MAP3K1: variants seen among roughly 807,000 people sequenced by gnomAD.
The protein encoded by MAP3K1 is MAP/ERK kinase kinase 1.
MAP3K1 carries 36 observed loss-of-function variants against 144.2 expected under a neutral mutation model. The ratio of observed to expected loss-of-function variants is 0.25; its 90% CI spans 0.19 to 0.33. The LOEUF (loss-of-function observed/expected upper bound fraction) is 0.33. Ranked by LOEUF, MAP3K1 falls within the 10% of genes least tolerant of loss-of-function variation. MAP3K1 has a pLI of 1.00. For missense variants in MAP3K1, 1,650 were observed against 1,881.9 expected (o/e 0.88, Z 2.28); for synonymous variants, 718 against 688.7 (o/e 1.04, Z -0.67).
chr5:56,845,286 C>T (rs1189269728), intron 1 of MAP3K1, among the ~76,000 whole-genome samples: 1 of 152,216 alleles, frequency 6.6e-6, no homozygotes, highest in Non-Finnish European at 1.5e-5. Context: ...ACTGCACTGC[C>T]ACATTTCCCC....
chr5:56,859,562 T>C (rs1747440467), intron 2 of MAP3K1, 153 bp from the exon 3 acceptor site: 1 of 626,940 alleles, frequency 1.6e-6, no homozygotes, highest in Non-Finnish European at 2.8e-6. Flanking sequence ...ATTAATAGCT[T>C]AAAGTAATAA....
chr5:56,887,559 T>C, intron 18 of MAP3K1, 39 bp downstream of exon 18: 1 of 1,610,784 alleles, frequency 6.2e-7, no homozygotes, highest in East Asian at 2.2e-5. Context: ...GAAAATATTT[T>C]GGAATTCTGT....
intron 1 of MAP3K1, among the ~76,000 whole-genome samples, chr5:56,842,937 C>G (rs1746860003): frequency 6.6e-6 from 1 of 152,116 alleles, no homozygotes; most frequent in African/African-American, 2.4e-5. Flanking sequence ...AACTCATGCC[C>G]CTGATCGCTG....
chr5:56,862,451 G>A (rs1352666366), intron 3 of MAP3K1, among the ~76,000 whole-genome samples: 5 of 152,214 alleles, frequency 3.3e-5, no homozygotes, highest in African/African-American at 9.6e-5. Context: ...TTTACAACAA[G>A]TATAAACAGA....
chr5:56,881,433 T>C (rs1233493681), intron 13 of MAP3K1, 137 bp from the exon 14 acceptor site: 1 of 972,298 alleles, frequency 1.0e-6, no homozygotes, highest in Non-Finnish European at 1.6e-6. Flanking sequence ...CTGGGCTCTT[T>C]AATTAAAAAT....
rs1349879625 is a variant in MAP3K1 at position 56,896,128 on chromosome 5, T to C, written c.*2448T>C. On this transcript the variant is annotated 3_prime_UTR_variant, in exon 20 of 20. Transcript: ENST00000399503. ...ACCTATTTTGGTGTTTTTGTCTTTA[T>C]AGTAAATAAAAGTTTTTGAACAAAT... The C allele has an allele frequency of 8.9e-6, 2 of 224,104 alleles. No homozygotes were observed. The highest frequency in any genetic ancestry group is 2.2e-5 in the African/African-American group (1 of 44,872). The allele number at this position is 224,104 out of a possible 1,614,324, so 13.9% of individuals were successfully genotyped here.
At chr5:56,849,550 C>CATTTTT (rs1747104779) in intron 1 of MAP3K1, among the ~76,000 whole-genome samples, 1 of 152,064 alleles carries the variant, frequency 6.6e-6, no homozygotes, top group African/African-American at 2.4e-5. Flanking sequence ...GAATGTGAGC[C>CATTTTT]ATTTTTATAC....
At chr5:56,881,426 G>A (rs1479805185) in intron 13 of MAP3K1, 144 bp from the exon 14 acceptor site, 1 of 968,514 alleles carries the variant, frequency 1.0e-6, no homozygotes, top group Non-Finnish European at 1.6e-6. Flanking sequence ...CCAAAGTCTG[G>A]GCTCTTTAAT....
intron 1 of MAP3K1, among the ~76,000 whole-genome samples, chr5:56,842,531 G>A (rs1374595202): frequency 6.6e-6 from 1 of 152,206 alleles, no homozygotes; most frequent in African/African-American, 2.4e-5. Context: ...TTTAATAGTA[G>A]TAGTAGTGAT....
At chr5:56,872,365 A>G (rs1747882080) in intron 7 of MAP3K1, among the ~76,000 whole-genome samples, 1 of 152,232 alleles carries the variant, frequency 6.6e-6, no homozygotes, top group African/African-American at 2.4e-5. Context: ...AAAGGCTAGC[A>G]TCAAAGTAAG....
chr5:56,859,820 G>A lies in MAP3K1; in HGVS notation c.739G>A (p.Gly247Ser). ...AAGTGCGGCTTCACCAGCTTCCAAA[G>A]GCCGACGCAGTCCTTCTCCTGGCAA... ...QASAASPASK[G>S]RRSPSPGNSP... The change falls in exon 3 of 20, where the codon GGC (glycine) becomes AGC (serine). Residue 247 changes from glycine to serine, a missense_variant. Coordinates refer to ENST00000399503, the MANE Select transcript of MAP3K1 (RefSeq NM_005921.2). The A allele has an allele frequency of 6.2e-7, 1 of 1,614,012 alleles. No individual in the cohort carries two copies. Among genetic ancestry groups the A allele is most frequent in the South Asian group, 1.1e-5 (1 of 91,050 alleles).
intron 1 of MAP3K1, among the ~76,000 whole-genome samples, chr5:56,850,674 A>G (rs1236894824): frequency 6.6e-6 from 1 of 152,086 alleles, no homozygotes; most frequent in Non-Finnish European, 1.5e-5. Flanking sequence ...TGGCCCTGCC[A>G]CTCACTTACA....
intron 1 of MAP3K1, among the ~76,000 whole-genome samples, chr5:56,853,608 A>G (rs1029936106): frequency 6.6e-6 from 1 of 152,210 alleles, no homozygotes; most frequent in African/African-American, 2.4e-5. Context: ...TGCATTAACC[A>G]TGTTAAAGGA....
At chr5:56,884,082 G>C in intron 15 of MAP3K1, among the ~76,000 whole-genome samples, 1 of 152,180 alleles carries the variant, frequency 6.6e-6, no homozygotes, top group Non-Finnish European at 1.5e-5. Context: ...TCAGGAGGTA[G>C]AGGTTGCAGT....
At chr5:56,869,340 A>G (rs1331278381) in intron 6 of MAP3K1, among the ~76,000 whole-genome samples, 3 of 152,248 alleles carry the variant, frequency 2.0e-5, no homozygotes, top group East Asian at 1.9e-4. Context: ...TTTAATGGGT[A>G]TAGGGTTTCA....
At chr5:56,838,293 A>G (rs1449302002) in intron 1 of MAP3K1, among the ~76,000 whole-genome samples, 1 of 152,218 alleles carries the variant, frequency 6.6e-6, no homozygotes, top group Non-Finnish European at 1.5e-5. Flanking sequence ...ATTGTCATTT[A>G]TATCTGAAAT....
At chr5:56,872,575 G>T (rs1747887507) in intron 7 of MAP3K1, 66 bp from the exon 8 acceptor site, 1 of 918,314 alleles carries the variant, frequency 1.1e-6, no homozygotes, top group Non-Finnish European at 1.8e-6. Context: ...ATTATAAACA[G>T]TTATGAAATA....
chr5:56,869,301 C>G (rs1325438097), intron 6 of MAP3K1, among the ~76,000 whole-genome samples: 1 of 151,824 alleles, frequency 6.6e-6, no homozygotes, highest in Non-Finnish European at 1.5e-5. Flanking sequence ...TTGCCAGAGG[C>G]TGGAGGAAGG....
At chr5:56,869,540 T>A (rs1747788294) in intron 6 of MAP3K1, among the ~76,000 whole-genome samples, 1 of 152,304 alleles carries the variant, frequency 6.6e-6, no homozygotes. Flanking sequence ...ATAATAAAAA[T>A]TTTTAAAATA....
Sources: allele counts gnomAD v4.1 joint callset (sites outside exome capture counted in the v4.1 genomes callset), GRCh38; gene constraint gnomAD v4.1.1; transcripts MANE v1.5; gene names NCBI Gene and HGNC (gene_info 2026-07-23, HGNC 2026-07-21).